MYO9B: variants seen among roughly 807,000 people sequenced by gnomAD.
MYO9B encodes the protein unconventional myosin-IXb.
In MYO9B, 71 loss-of-function variants were observed where a neutral mutation model predicts 229.5. The observed-to-expected ratio is 0.31, with a 90% confidence interval of 0.26 to 0.38. The LOEUF is 0.38. Among genes scored for constraint, MYO9B ranks in the 10% least tolerant of loss-of-function variants. The probability of loss-of-function intolerance (pLI) is 1.00; values close to 1 mark genes in which losing one functional copy is unlikely to be tolerated. For synonymous variants in MYO9B, 1,185 were observed against 1,235.8 expected, an observed-to-expected ratio of 0.96 and a Z score of 0.86; for missense variants, 2,255 against 2,920.5, an observed-to-expected ratio of 0.77 and a Z score of 5.25.
intron 24 of MYO9B, 66 bp downstream of exon 24, chr19:17,198,374 G>T (rs892549243): frequency 6.3e-6 from 10 of 1,594,420 alleles, no homozygotes; most frequent in Non-Finnish European, 8.6e-6. Context: ...CCAGGGCCTC[G>T]CAGCAGTGTG....
At chr19:17,202,758 A>T in intron 28 of MYO9B, 84 bp from the exon 29 acceptor site, 1 of 1,380,380 alleles carries the variant, frequency 7.2e-7, no homozygotes, top group Non-Finnish European at 1.0e-6. Flanking sequence ...GGGTACCCAC[A>T]CGCCTGAGTT....
intron 1 of MYO9B, among the ~76,000 whole-genome samples, chr19:17,100,037 G>A (rs999815131): frequency 6.6e-6 from 1 of 150,838 alleles, no homozygotes; most frequent in African/African-American, 2.4e-5. Context: ...CAGGAGAATC[G>A]CTTGAACCCA....
Position 17,203,158 on chromosome 19 carries a change from C to A in MYO9B, c.4890C>A (p.His1630Gln). Reference sequence around the variant, plus strand: ...CTCTGGCCTCACAGGTCCAGGAGCACAACGGGCACGTGTTCGCCAGCTACC... The same window carrying A: ...CTCTGGCCTCACAGGTCCAGGAGCAAAACGGGCACGTGTTCGCCAGCTACC... ...KRKQERAVQE[H>Q]NGHVFASYQV... Residue 1630 changes from histidine to glutamine, a missense_variant, in exon 30 of 40, where the codon CAC (histidine) becomes CAA (glutamine). Physicochemically the swap from His to Gln is conservative, Grantham distance 24. Around this residue, in one of 7 missense-constraint regions of MYO9B, gnomAD observed 416 missense variants for 605.5 expected, o/e 0.69. Coordinates refer to ENST00000682292, the MANE Select transcript of MYO9B (RefSeq NM_004145.4). 4 of 1,571,990 alleles carry A rather than the reference C, an allele frequency of 2.5e-6. No homozygotes were observed. The highest frequency in any genetic ancestry group is 2.6e-6 in the Non-Finnish European group (3 of 1,158,620).
intron 1 of MYO9B, among the ~76,000 whole-genome samples, chr19:17,092,944 AGT>A (rs768343219): frequency 2.0e-5 from 3 of 152,044 alleles, no homozygotes; most frequent in Non-Finnish European, 4.4e-5. Flanking sequence ...TATGCACAGA[AGT>A]GTGTGTATTC....
intron 11 of MYO9B, among the ~76,000 whole-genome samples, chr19:17,169,920 T>A (rs1271345436): frequency 6.7e-6 from 1 of 149,704 alleles, no homozygotes; most frequent in African/African-American, 2.5e-5. Context: ...CAGCTCACTG[T>A]AACCCCCACC....
rs1274227368 is a variant in MYO9B at position 17,191,227 on chromosome 19, C to A, written c.2811+8C>A. ...CAGATCGGGAAGACCAAGGTCAGCG[C>A]TCCTGCCCCTCGGGGCACTACAAAC... On this transcript the variant is annotated splice_region_variant and intron_variant, in intron 20 of 39. Transcript: ENST00000682292. 60 of 1,609,956 alleles carry A rather than the reference C, an allele frequency of 3.7e-5. No individual in the cohort carries two copies. Among genetic ancestry groups the A allele is most frequent in the Non-Finnish European group, 4.6e-5 (54 of 1,178,146 alleles).
chr19:17,076,769 G>T (rs2057489074), intron 1 of MYO9B, among the ~76,000 whole-genome samples: 1 of 152,198 alleles, frequency 6.6e-6, no homozygotes, highest in Non-Finnish European at 1.5e-5. Context: ...CTCAGGGCCG[G>T]TTGTGGGGCC....
At position 17,100,378 on chromosome 19, in the gene MYO9B, CAGA is replaced by C. The variant is rs550744495; in HGVS notation, c.-58-1277_-58-1275del. Among the ~76,000 whole-genome samples, 44 of 152,264 alleles carry C rather than the reference CAGA, an allele frequency of 2.9e-4. 1 individual carries two copies. In the South Asian group the frequency reaches 9.1e-3, roughly 32 times the overall value. ...GTCCCAGCTACTCAGGAGGCTGAGG[CAGA>C]AGAATTGCTTGAACCCAGGCAGCAG... is the stretch of plus-strand genomic sequence containing the variant. On this transcript the variant is annotated intron_variant, in intron 1 of 39. Transcript: ENST00000682292.
At chr19:17,201,899 G>A (rs34035334) in intron 26 of MYO9B, 27 bp from the exon 27 acceptor site, 21 of 1,580,818 alleles carry the variant, frequency 1.3e-5, no homozygotes, top group South Asian at 3.4e-5. Context: ...CCTGAGGCAC[G>A]CAGGGTCAGT....
chr19:17,157,160 C>T (rs1031568125), intron 7 of MYO9B, 122 bp downstream of exon 7: 31 of 1,215,830 alleles, frequency 2.5e-5, no homozygotes, highest in Non-Finnish European at 3.1e-5. Context: ...CAGGACCTCA[C>T]GTCTTCCGCT....
rs749929974 is a variant in MYO9B, at chr19:17,185,014, T to G, written c.2496+27T>G. 4.3e-6 allele frequency: 7 copies of G among 1,613,444 alleles called. 1 individual carries two copies. The South Asian group carries it at 7.7e-5, about 18-fold the overall frequency. ...TAGGTGGAGCAGGAGAGGCAGAAGG[T>G]GGCGGTCAGCTCAGCCTCAGGCTTG... On this transcript the variant is annotated intron_variant, in intron 17 of 39. Transcript: ENST00000682292.
chr19:17,212,542 C>CCACATCTCCACCTGCGGCCT lies in MYO9B; in HGVS notation c.*242_*261dup. On this transcript the variant is annotated 3_prime_UTR_variant, in exon 40 of 40. Coordinates refer to ENST00000682292, the MANE Select transcript of MYO9B (RefSeq NM_004145.4). The surrounding 1 kb of genome is among the most constrained non-coding windows in gnomAD (Gnocchi z 5.4). ...ATCATGGACGCACCTGTGGGGAGCA[C>CCACATCTCCACCTGCGGCCT]CACATCTCCACCTGCGGCCTCACAT... The CCACATCTCCACCTGCGGCCT allele has an allele frequency of 2.1e-6, 1 of 465,170 alleles. No homozygotes were observed. The highest frequency in any genetic ancestry group is 3.8e-6 in the Non-Finnish European group (1 of 265,678). The allele number at this position is 465,170 out of a possible 1,614,324, so 28.8% of individuals were successfully genotyped here.
At chr19:17,140,062 TTGGA>T (rs1017422653) in intron 2 of MYO9B, among the ~76,000 whole-genome samples, 18 of 150,842 alleles carry the variant, frequency 1.2e-4, no homozygotes, top group Admixed American at 4.0e-4. Context: ...GAAAAAATGA[TTGGA>T]TGGATGGATG....
intron 6 of MYO9B, among the ~76,000 whole-genome samples, chr19:17,156,652 G>A (rs1001132097): frequency 6.6e-6 from 1 of 152,208 alleles, no homozygotes; most frequent in African/African-American, 2.4e-5. Flanking sequence ...AGGAGTTGGA[G>A]GTTACAGTGA....
At chr19:17,181,118 A>G in intron 15 of MYO9B, 78 bp downstream of exon 15, 2 of 1,002,328 alleles carry the variant, frequency 2.0e-6, no homozygotes, top group Non-Finnish European at 3.0e-6. Flanking sequence ...CGGGGCCTGC[A>G]GTCTTCCTAA....
In MYO9B at chr19:17,153,969, A is replaced by G. The variant is rs571065627; in HGVS notation, c.1001A>G (p.Asn334Ser). 1 of 1,613,428 alleles carries G rather than the reference A, an allele frequency of 6.2e-7. No individual in the cohort carries two copies. Among genetic ancestry groups the G allele is most frequent in the Non-Finnish European group, 8.5e-7 (1 of 1,179,396 alleles). The change falls in exon 5 of 40, where the codon AAC (asparagine) becomes AGC (serine). Residue 334 changes from asparagine (N) to serine (S), a missense_variant and splice_region_variant. By Grantham distance (46) the Asn-to-Ser change is conservative (BLOSUM62 1). This residue lies in a region of MYO9B where 386 missense variants were observed against 515.2 expected (regional missense o/e 0.75). Transcript: ENST00000682292. The stretch of plus-strand genomic sequence containing the variant: ...TTCCTCCCAATTTTGACCTGTAGGA[A>G]CTACCATGTGTTTTATTATTTGTTA... ...RLVSQEKDER[N>S]YHVFYYLLLG...
chr19:17,124,435 T>C (rs2057995120), intron 2 of MYO9B, among the ~76,000 whole-genome samples: 1 of 152,044 alleles, frequency 6.6e-6, no homozygotes, highest in Non-Finnish European at 1.5e-5. Context: ...TTCGTGGAAC[T>C]TTTTTTTAAA....
intron 8 of MYO9B, among the ~76,000 whole-genome samples, chr19:17,161,478 A>G (rs2072601319): frequency 6.6e-6 from 1 of 152,098 alleles, no homozygotes; most frequent in Admixed American, 6.6e-5. Context: ...CAGGAGTTAG[A>G]GTCCAGCCTT....
At chr19:17,198,379 A>G in intron 24 of MYO9B, 71 bp downstream of exon 24, 2 of 1,589,998 alleles carry the variant, frequency 1.3e-6, no homozygotes, top group Non-Finnish European at 1.7e-6. Context: ...GCCTCGCAGC[A>G]GTGTGGCCTC....
Sources: gnomAD v4.1 joint callset for allele counts (sites outside exome capture counted in the v4.1 genomes callset) on GRCh38, gnomAD v4.1.1 for gene constraint, gnomAD v4.1.1 regional missense constraint, Gnocchi (gnomAD v3.1) non-coding constraint, MANE v1.5 for transcripts, NCBI Gene and HGNC (gene_info 2026-07-23, HGNC 2026-07-21) for gene names.